The following NUP93 variants were observed in gnomAD, a reference collection of about 807,000 sequenced individuals.
NUP93 encodes nucleoporin 93.
Under a neutral mutation model 107.8 loss-of-function variants are expected in NUP93, and 55 were observed. That is an observed-to-expected ratio of 0.51 (90% CI 0.41 to 0.64). The LOEUF (loss-of-function observed/expected upper bound fraction) is 0.64, where lower values mean the gene tolerates loss of function less well. NUP93 is among the 30% of genes least tolerant of loss of function. The pLI, the probability that NUP93 is intolerant of heterozygous loss-of-function variation, is 0.00. For missense variants in NUP93, 937 were observed against 1,044.7 expected (o/e 0.90, Z 1.42); for synonymous variants, 390 against 397.5 (o/e 0.98, Z 0.22).
At position 56,847,844 on chromosome 16, in the gene NUP93, C is replaced by T. The variant is rs906967567; in HGVS notation, c.*3235C>T. 2 of 152,174 alleles carry T rather than the reference C, an allele frequency of 1.3e-5. No homozygotes were observed. Among genetic ancestry groups the T allele is most frequent in the African/African-American group, 4.8e-5 (2 of 41,422 alleles). The allele number at this position is 152,174 out of a possible 1,614,324, so 9.4% of individuals were successfully genotyped here. On this transcript the variant is annotated 3_prime_UTR_variant, in exon 22 of 22. Transcript: ENST00000308159. ...CGCGAACTTACAGTCTAATTAGAGC[C>T]TCTTAAGGACAATTTGGCAGCCACT...
chr16:56,831,937 T>C lies in NUP93; in HGVS notation c.1181T>C (p.Ile394Thr). ...DPYKRAVYCI[I>T]GRCDVTDNQS... ...TACAAGCGGGCCGTGTACTGTATCA[T>C]TGGCAGATGTGACGTCACCGACAAC... The change falls in exon 11 of 22, where the codon ATT becomes ACT. Residue 394 changes from isoleucine (I) to threonine (T), a missense_variant. Transcript: ENST00000308159. 6.2e-7 allele frequency: 1 copy of C among 1,614,102 alleles called. No individual in the cohort carries two copies. The highest frequency in any genetic ancestry group is 8.5e-7 in the Non-Finnish European group (1 of 1,179,996).
At position 56,748,495 on chromosome 16, in the gene NUP93, G is replaced by A. The variant is rs1961860748; in HGVS notation, c.179+69G>A. 7.4e-6 allele frequency: 10 copies of A among 1,348,720 alleles called. No individual in the cohort carries two copies. The South Asian group carries it at 1.4e-4, about 19-fold the overall frequency. The allele number at this position is 1,348,720 out of a possible 1,614,324, so 83.5% of individuals were successfully genotyped here. A position where few individuals can be genotyped will look rare whatever the true frequency, so the allele number is the denominator to read the frequency against. On this transcript the variant is annotated intron_variant, in intron 2 of 21. Transcript: ENST00000308159. Reference sequence around the variant, plus strand: ...GGGCAGGATCTGTTTCTTCTTTCCTGCCTTGAATTCAGATCCAATCTGTGA... The same window carrying A: ...GGGCAGGATCTGTTTCTTCTTTCCTACCTTGAATTCAGATCCAATCTGTGA...
intron 3 of NUP93, among the ~76,000 whole-genome samples, chr16:56,764,208 T>C (rs1201566308): frequency 6.6e-6 from 1 of 152,190 alleles, no homozygotes; most frequent in Non-Finnish European, 1.5e-5. Context: ...AATGAATCAA[T>C]GGCCGGATGC....
chr16:56,821,384 C>G (rs1295593815), intron 6 of NUP93, 120 bp from the exon 7 acceptor site: 2 of 652,062 alleles, frequency 3.1e-6, no homozygotes, highest in African/African-American at 3.6e-5. Context: ...GTGGATGGCT[C>G]AGCCACTCCG....
intron 3 of NUP93, among the ~76,000 whole-genome samples, chr16:56,788,116 T>A (rs1011444499): frequency 5.3e-5 from 8 of 152,192 alleles, no homozygotes; most frequent in Admixed American, 3.3e-4. Context: ...TTATCCCTGC[T>A]TTCTCTCCTG....
chr16:56,818,660 A>T lies in NUP93; in HGVS notation c.490-4A>T. The T allele has an allele frequency of 1.2e-6, 2 of 1,613,462 alleles. No homozygotes were observed. The highest frequency in any genetic ancestry group is 1.7e-6 in the Non-Finnish European group (2 of 1,179,434). ...ACTGATTCTGAATGTGTATTTATCC[A>T]CAGCCAAGCTACATCAGTGATGTGG... On this transcript the variant is annotated splice_region_variant and splice_polypyrimidine_tract_variant and intron_variant, in intron 5 of 21. Coordinates refer to ENST00000308159, the MANE Select transcript of NUP93 (RefSeq NM_014669.5).
chr16:56,767,702 C>G (rs1172968075), intron 3 of NUP93, among the ~76,000 whole-genome samples: 1 of 152,198 alleles, frequency 6.6e-6, no homozygotes, highest in Admixed American at 6.5e-5. Flanking sequence ...GGAGTTTTCT[C>G]TCTTCTTCTA....
chr16:56,756,612 A>C (rs561807474), intron 2 of NUP93, among the ~76,000 whole-genome samples: 1 of 152,086 alleles, frequency 6.6e-6, no homozygotes, highest in African/African-American at 2.4e-5. Context: ...ATACATGTGC[A>C]TGTGTCTTTA....
At position 56,831,956 on chromosome 16, in the gene NUP93, C is replaced by T. The variant is rs142581530; in HGVS notation, c.1200C>T (p.Thr400=). The T allele has an allele frequency of 1.6e-4, 258 of 1,614,072 alleles. 2 individuals carry two copies. The East Asian group carries it at 5.0e-3, about 31-fold the overall frequency. Residue 400 remains threonine, a synonymous_variant, in exon 11 of 22, where the codon ACC becomes ACT. Coordinates refer to ENST00000308159, the MANE Select transcript of NUP93 (RefSeq NM_014669.5). ...GTATCATTGGCAGATGTGACGTCACCGACAACCAGAGTGAAGTGGCGGACA... is the reference window on the plus strand; with the variant it reads ...GTATCATTGGCAGATGTGACGTCACTGACAACCAGAGTGAAGTGGCGGACA... ...VYCIIGRCDV[T]DNQSEVADKT...
intron 6 of NUP93, among the ~76,000 whole-genome samples, chr16:56,819,521 A>C (rs1294334323): frequency 6.6e-6 from 1 of 152,112 alleles, no homozygotes; most frequent in Non-Finnish European, 1.5e-5. Context: ...CACCTCCCAG[A>C]TTCTTTGAGG....
In NUP93 at chr16:56,839,510, G is replaced by C. The variant is rs754941747; in HGVS notation, c.2137-11G>C. On this transcript the variant is annotated splice_polypyrimidine_tract_variant and intron_variant, in intron 19 of 21. Transcript: ENST00000308159. The stretch of plus-strand genomic sequence containing the variant: ...GTTGTGTTACATGGGGCCGGTGGTT[G>C]TTTTAAACAGATCATTGAGCGCTTG... 2.5e-6 allele frequency: 4 copies of C among 1,605,250 alleles called. No individual in the cohort carries two copies. Among genetic ancestry groups the C allele is most frequent in the East Asian group, 2.2e-5 (1 of 44,826 alleles).
Position 56,837,703 on chromosome 16 carries a change from C to T in NUP93, c.1995C>T (p.Asn665=), listed in dbSNP as rs1248597579. The T allele has an allele frequency of 2.5e-6, 4 of 1,613,904 alleles. No individual in the cohort carries two copies. The highest frequency in any genetic ancestry group is 1.7e-5 in the Admixed American group (1 of 60,008). ...AATCCAACAAGGAGAGGCTGAAGAA[C>T]ATGGCACTCTCCATTGCCGAACGGT... is the stretch of plus-strand genomic sequence containing the variant. ...APQSNKERLK[N]MALSIAERYR... The change falls in exon 18 of 22, where the codon AAC becomes AAT. Residue 665 remains asparagine (N), a synonymous_variant. Transcript: ENST00000308159.
intron 11 of NUP93, 33 bp from the exon 12 acceptor site, chr16:56,832,262 G>A (rs778285626): frequency 4.5e-6 from 7 of 1,567,982 alleles, no homozygotes; most frequent in Admixed American, 3.3e-5. Context: ...GGTGTCATTT[G>A]TACCAATGCA....
At chr16:56,824,676 C>T (rs770680668) in intron 8 of NUP93, among the ~76,000 whole-genome samples, 1 of 152,184 alleles carries the variant, frequency 6.6e-6, no homozygotes. Flanking sequence ...GTCAATAAAA[C>T]GATACTTCAT....
chr16:56,747,805 T>C (rs1961845807), intron 1 of NUP93: 1 of 154,138 alleles, frequency 6.5e-6, no homozygotes, highest in Admixed American at 6.4e-5. Flanking sequence ...GTCTTATAAA[T>C]TGCCTGGTGC....
At chr16:56,816,983 C>T (rs1201641249) in intron 5 of NUP93, among the ~76,000 whole-genome samples, 1 of 152,102 alleles carries the variant, frequency 6.6e-6, no homozygotes, top group African/African-American at 2.4e-5. Context: ...AACCTGCAAT[C>T]ACTTTTGCAT....
chr16:56,832,246 G>A (rs369270495), intron 11 of NUP93, 49 bp from the exon 12 acceptor site: 1 of 1,480,654 alleles, frequency 6.8e-7, no homozygotes, highest in Non-Finnish European at 9.4e-7. Flanking sequence ...TGTGCATGTG[G>A]CTCAGGGTGT....
chr16:56,775,720 G>A (rs748982568), intron 3 of NUP93, among the ~76,000 whole-genome samples: 2 of 152,156 alleles, frequency 1.3e-5, no homozygotes, highest in Non-Finnish European at 2.9e-5. Context: ...CCAAAAAAAT[G>A]TTAGAATTGC....
chr16:56,754,099 A>G (rs1961973596), intron 2 of NUP93, among the ~76,000 whole-genome samples: 1 of 152,124 alleles, frequency 6.6e-6, no homozygotes, highest in Non-Finnish European at 1.5e-5. Flanking sequence ...GAAGACAGGC[A>G]CATCTTCACA....
Sources: allele counts gnomAD v4.1 joint callset (sites outside exome capture counted in the v4.1 genomes callset), GRCh38; gene constraint gnomAD v4.1.1; transcripts MANE v1.5; gene names NCBI Gene and HGNC (gene_info 2026-07-23, HGNC 2026-07-21).